Variants in KIF24 observed in about 807,000 individuals in gnomAD.
KIF24 encodes kinesin-like protein KIF24.
A neutral mutation model predicts 118.9 loss-of-function variants in KIF24; 81 were observed. The observed-to-expected ratio is 0.68, with a 90% CI of 0.57 to 0.82. The LOEUF (loss-of-function observed/expected upper bound fraction) is 0.82, where lower values mean the gene tolerates loss of function less well. Ranked by LOEUF, KIF24 falls within the 40% of genes least tolerant of loss-of-function variation. The probability of loss-of-function intolerance (pLI) is 0.00; values close to 1 mark genes in which losing one functional copy is unlikely to be tolerated. For synonymous variants in KIF24, 599 were observed against 610.0 expected (o/e 0.98, Z 0.27); for missense variants, 1,560 against 1,661.6 (o/e 0.94, Z 1.06).
At position 34,318,513 on chromosome 9, in the gene KIF24, GC is replaced by G; in HGVS notation, c.-25-7143del. ...GCTCCTGGCACCGCAGAGAAGCTGA[GC>G]CCCAAGGCAGCCACGCTGGCCGAAC... On this transcript the variant is annotated intron_variant, in intron 1 of 12. Transcript: ENST00000402558. The surrounding 1 kb of genome is among the most constrained non-coding windows in gnomAD (Gnocchi z 4.9). 1.1e-6 allele frequency: 1 copy of G among 901,162 alleles called. No individual in the cohort carries two copies. Among genetic ancestry groups the G allele is most frequent in the Non-Finnish European group, 1.8e-6 (1 of 559,670 alleles). The allele number at this position is 901,162 out of a possible 1,614,324, so 55.8% of individuals were successfully genotyped here.
chr9:34,272,069 T>C (rs1835528528), intron 6 of KIF24, 139 bp from the exon 7 acceptor site: 1 of 624,672 alleles, frequency 1.6e-6, no homozygotes, highest in Non-Finnish European at 2.7e-6. Context: ...GGTGGAAAAC[T>C]GCTCAAACAC....
intron 2 of KIF24, among the ~76,000 whole-genome samples, chr9:34,309,868 A>G (rs1384806992): frequency 6.6e-6 from 1 of 152,136 alleles, no homozygotes; most frequent in African/African-American, 2.4e-5. Context: ...CTTTATCTTA[A>G]GGTATGAATA....
intron 1 of KIF24, among the ~76,000 whole-genome samples, chr9:34,326,947 CAA>C (rs111618940): frequency 1.6e-3 from 248 of 150,478 alleles, no homozygotes; most frequent in East Asian, 0.016. Flanking sequence ...ACTGAACTGA[CAA>C]AAAAAAATGC....
rs916643091 is a variant in KIF24, at chr9:34,256,567, C to T, written c.3040G>A (p.Asp1014Asn). The change falls in exon 11 of 13, where the codon GAC becomes AAC. Residue 1014 changes from aspartate (D) to asparagine (N), a missense_variant. This residue lies in a region of KIF24 where 591 missense variants were observed against 655.6 expected (regional missense o/e 0.90). Transcript: ENST00000402558. ...VTTPLREVSADGPIQVTSTVK... is the reference protein window; with the variant it reads ...VTTPLREVSANGPIQVTSTVK... The stretch of plus-strand genomic sequence containing the variant: ...GTGCTGGTCACCTGGATTGGGCCGT[C>T]TGCACTGACTTCTCTCAGAGGTGTG... 1 of 1,613,872 alleles carries T rather than the reference C, an allele frequency of 6.2e-7. No individual in the cohort carries two copies. Among genetic ancestry groups the T allele is most frequent in the Non-Finnish European group, 8.5e-7 (1 of 1,179,912 alleles).
At chr9:34,263,217 G>T in intron 8 of KIF24, 45 bp from the exon 9 acceptor site, 1 of 1,420,478 alleles carries the variant, frequency 7.0e-7, no homozygotes, top group South Asian at 1.2e-5. Flanking sequence ...AGTGCAAAGG[G>T]AGAGTAACAG....
intron 1 of KIF24, among the ~76,000 whole-genome samples, chr9:34,320,884 C>A (rs933779008): frequency 6.6e-6 from 1 of 152,038 alleles, no homozygotes; most frequent in African/African-American, 2.4e-5. Flanking sequence ...ACAGGCTTAC[C>A]AGGATAATGA....
chr9:34,254,921 C>T (rs922714101), intron 12 of KIF24, 151 bp downstream of exon 12: 12 of 613,984 alleles, frequency 2.0e-5, no homozygotes, highest in Admixed American at 5.5e-5. Flanking sequence ...GTCTCAAAGG[C>T]GTGGCAAGAG....
At chr9:34,316,767 C>T (rs986705875) in intron 1 of KIF24, among the ~76,000 whole-genome samples, 1 of 152,126 alleles carries the variant, frequency 6.6e-6, no homozygotes, top group Non-Finnish European at 1.5e-5. Flanking sequence ...AAGCAAACTC[C>T]TAAAGTAAAA....
At chr9:34,319,053 A>C (rs1231377455) in intron 1 of KIF24, 2 of 1,275,416 alleles carry the variant, frequency 1.6e-6, no homozygotes, top group Non-Finnish European at 2.3e-6. Context: ...TTCCACCACA[A>C]GATGGTGGAA....
intron 5 of KIF24, among the ~76,000 whole-genome samples, chr9:34,287,911 A>T (rs969337281): frequency 2.9e-5 from 3 of 105,244 alleles, no homozygotes; most frequent in African/African-American, 2.9e-5. Context: ...ATCTCTGTTT[A>T]AAAAAAAAAA....
Position 34,318,602 on chromosome 9 carries a change from A to G in KIF24, c.-25-7231T>C, listed in dbSNP as rs1030340779. 79 of 1,449,264 alleles carry G rather than the reference A, an allele frequency of 5.5e-5. No homozygotes were observed. Among genetic ancestry groups the G allele is most frequent in the Non-Finnish European group, 7.0e-5 (73 of 1,046,994 alleles). 89.8% of individuals were successfully genotyped at this position (1,449,264 alleles called of 1,614,324 possible). On this transcript the variant is annotated intron_variant, in intron 1 of 12. Coordinates refer to ENST00000402558, the MANE Select transcript of KIF24 (RefSeq NM_194313.4). The surrounding 1 kb of genome is among the most constrained non-coding windows in gnomAD (Gnocchi z 4.9). The stretch of plus-strand genomic sequence containing the variant: ...GGCCAAGGACCAGGCGGTGGAGAAC[A>G]TCCTGGTGTCGCCCGTGGTGGTGGC...
chr9:34,287,306 T>G lies in KIF24; in HGVS notation c.1128-602A>C, dbSNP rs140671848. ...CTTTCCAGTTATTTGAGCCAATGAT[T>G]TCCCTAAATGCTTAAGCTAGTACAC... On this transcript the variant is annotated intron_variant, in intron 5 of 12. Coordinates refer to ENST00000402558, the MANE Select transcript of KIF24 (RefSeq NM_194313.4). Among the ~76,000 whole-genome samples, 11 of 152,346 alleles carry G rather than the reference T, an allele frequency of 7.2e-5. No individual in the cohort carries two copies. The East Asian group carries it at 2.1e-3, about 29-fold the overall frequency.
rs200414629 is a variant in KIF24 at position 34,306,253 on chromosome 9, T to C, written c.812A>G (p.Gln271Arg). The change falls in exon 3 of 13, where the codon CAG becomes CGG. Residue 271 changes from glutamine (Q) to arginine (R), a missense_variant and splice_region_variant. Around this residue, in one of 3 missense-constraint regions of KIF24, gnomAD observed 964 missense variants for 988.0 expected, o/e 0.98. Transcript: ENST00000402558. ...EAVDLTQYIL[Q>R]HVFYFDEVFG... is the part of the protein sequence containing the mutation. ...AAACATAAAACGAAAACATCATACC[T>C]GCAGAATATATTGAGTGAGGTCAAC... 827 of 1,584,300 alleles carry C rather than the reference T, an allele frequency of 5.2e-4. No individual in the cohort carries two copies. The highest frequency in any genetic ancestry group is 6.7e-4 in the Non-Finnish European group (784 of 1,164,860).
In KIF24 at chr9:34,290,265, C is replaced by T. The variant is rs547659170; in HGVS notation, c.1036G>A (p.Val346Met). Residue 346 changes from valine (V) to methionine (M), a missense_variant, in exon 5 of 13, where the codon GTG (valine) becomes ATG (methionine). Physicochemically the swap from Val to Met is conservative, Grantham distance 21. Around this residue, in one of 3 missense-constraint regions of KIF24, gnomAD observed 964 missense variants for 988.0 expected, o/e 0.98. Transcript: ENST00000402558. ...AAGAGGTGCTTTCTTGGCTGGGACA[C>T]TTCTAGTTGCCTGAAGATATCTTTG... ...AAKDIFRQLE[V>M]SQPRKHLFVW... 1.5e-5 allele frequency: 25 copies of T among 1,613,932 alleles called. No individual in the cohort carries two copies. Among genetic ancestry groups the T allele is most frequent in the Non-Finnish European group, 1.9e-5 (23 of 1,179,832 alleles).
At chr9:34,276,394 C>T (rs2131717756) in intron 6 of KIF24, among the ~76,000 whole-genome samples, 1 of 132,018 alleles carries the variant, frequency 7.6e-6, no homozygotes, top group Middle Eastern at 4.7e-3. Flanking sequence ...AAGAGTGAAA[C>T]TGCATCTCAA....
chr9:34,321,603 C>CTTT (rs1213493493), intron 1 of KIF24, among the ~76,000 whole-genome samples: 9 of 99,232 alleles, frequency 9.1e-5, no homozygotes, highest in African/African-American at 2.9e-4. Flanking sequence ...CATACTTCTT[C>CTTT]TTTTTTTTTT....
rs1357651873 is a variant in KIF24 at position 34,290,237 on chromosome 9, A to G, written c.1064T>C (p.Val355Ala). ...EVSQPRKHLF[V>A]WISFYEIYCG... ...GTAAATTTCATAGAAGCTGATCCAC[A>G]CAAAGAGGTGCTTTCTTGGCTGGGA... is the stretch of plus-strand genomic sequence containing the variant. The change falls in exon 5 of 13, where the codon GTG becomes GCG. Residue 355 changes from valine (V) to alanine (A), a missense_variant. Physicochemically the swap from Val to Ala is moderately conservative, Grantham distance 64. Around this residue, in one of 3 missense-constraint regions of KIF24, gnomAD observed 964 missense variants for 988.0 expected, o/e 0.98. Transcript: ENST00000402558. 1 of 1,613,948 alleles carries G rather than the reference A, an allele frequency of 6.2e-7. No individual in the cohort carries two copies. The highest frequency in any genetic ancestry group is 8.5e-7 in the Non-Finnish European group (1 of 1,179,858).
chr9:34,307,650 C>T (rs1003718755), intron 2 of KIF24, among the ~76,000 whole-genome samples: 2 of 151,856 alleles, frequency 1.3e-5, no homozygotes, highest in African/African-American at 2.4e-5. Context: ...CGGTGGCTCA[C>T]GCCTGTAATC....
Position 34,318,292 on chromosome 9 carries a change from C to T in KIF24, c.-25-6921G>A, listed in dbSNP as rs993426494. 1.8e-6 allele frequency: 1 copy of T among 556,270 alleles called. No homozygotes were observed. The highest frequency in any genetic ancestry group is 3.0e-5 in the Admixed American group (1 of 33,430). 34.5% of individuals were successfully genotyped at this position (556,270 alleles called of 1,614,324 possible). On this transcript the variant is annotated intron_variant, in intron 1 of 12. Coordinates refer to ENST00000402558, the MANE Select transcript of KIF24 (RefSeq NM_194313.4). This position sits in a 1 kb window ranked among gnomAD's most constrained non-coding sequence, Gnocchi z 4.9. ...GCTATAGAAGAGTAGAATCGTGTCG[C>T]GGCTCGAGAGCGAGACTCCCGTCTT...
Sources: allele counts gnomAD v4.1 joint callset (sites outside exome capture counted in the v4.1 genomes callset), GRCh38; gene constraint gnomAD v4.1.1; regional missense constraint gnomAD v4.1.1; non-coding constraint Gnocchi (gnomAD v3.1); transcripts MANE v1.5; gene names NCBI Gene and HGNC (gene_info 2026-07-23, HGNC 2026-07-21).